Variants in RBFOX1 observed in about 807,000 individuals in gnomAD.
RBFOX1 encodes RNA binding fox-1 homolog 1.
Under a neutral mutation model 57.7 loss-of-function variants are expected in RBFOX1, and 8 were observed. The ratio of observed to expected loss-of-function variants is 0.14; its 90% confidence interval spans 0.08 to 0.25. The LOEUF is 0.25. Among genes scored for constraint, RBFOX1 ranks in the 10% least tolerant of loss-of-function variants. The probability of loss-of-function intolerance (pLI) is 1.00; values close to 1 mark genes in which losing one functional copy is unlikely to be tolerated. For synonymous variants in RBFOX1, 326 were observed against 222.4 expected (o/e 1.47, Z -4.15); for missense variants, 611 against 548.5 (o/e 1.11, Z -1.14).
intron 1 of RBFOX1, among the ~76,000 whole-genome samples, chr16:5,274,964 T>C (rs1404012291): frequency 6.6e-6 from 1 of 152,214 alleles, no homozygotes; most frequent in African/African-American, 2.4e-5. Flanking sequence ...CCTCATGTAC[T>C]AAGACCGGAG....
chr16:7,539,683 C>T (rs1381825338), intron 5 of RBFOX1, among the ~76,000 whole-genome samples: 1 of 152,076 alleles, frequency 6.6e-6, no homozygotes, highest in Non-Finnish European at 1.5e-5. Context: ...TGTTTCTGGC[C>T]ACAAAGGACC....
At chr16:6,553,142 C>A (rs2097023729) in intron 2 of RBFOX1, among the ~76,000 whole-genome samples, 2 of 152,130 alleles carry the variant, frequency 1.3e-5, no homozygotes, top group Non-Finnish European at 2.9e-5. Flanking sequence ...TCATGGAAGT[C>A]AGTTCTGTTA....
chr16:5,729,879 G>T (rs528873653), intron 3 of RBFOX1, among the ~76,000 whole-genome samples: 1 of 152,170 alleles, frequency 6.6e-6, no homozygotes, highest in Non-Finnish European at 1.5e-5. Flanking sequence ...GCAAATCCTA[G>T]CCCCGAGAGC....
intron 2 of RBFOX1, among the ~76,000 whole-genome samples, chr16:6,551,216 A>C (rs1308772195): frequency 6.6e-6 from 1 of 152,296 alleles, no homozygotes; most frequent in South Asian, 2.1e-4. Context: ...AATTCAGCAA[A>C]TGTTGTGTAG....
intron 3 of RBFOX1, among the ~76,000 whole-genome samples, chr16:5,717,589 C>T (rs921540470): frequency 5.3e-5 from 8 of 152,032 alleles, no homozygotes; most frequent in Admixed American, 1.3e-4. Flanking sequence ...CTTATAAGTG[C>T]GAATATACGA....
At chr16:7,185,932 G>C (rs1033500705) in intron 4 of RBFOX1, among the ~76,000 whole-genome samples, 1 of 152,070 alleles carries the variant, frequency 6.6e-6, no homozygotes, top group Non-Finnish European at 1.5e-5. Context: ...CTCACTTCCT[G>C]ACCCTTTCTC....
chr16:7,095,882 G>A (rs536843473), intron 4 of RBFOX1, among the ~76,000 whole-genome samples: 16 of 151,818 alleles, frequency 1.1e-4, no homozygotes, highest in African/African-American at 2.4e-4. Context: ...GCGTGGTGGC[G>A]GGTGTCTGTA....
At chr16:7,318,775 G>A (rs780102593) in intron 4 of RBFOX1, among the ~76,000 whole-genome samples, 21 of 152,106 alleles carry the variant, frequency 1.4e-4, no homozygotes, top group East Asian at 3.9e-4. Context: ...TCTCTCAACC[G>A]CCAGACCCAC....
At chr16:7,292,302 G>A (rs1024476523) in intron 4 of RBFOX1, among the ~76,000 whole-genome samples, 1 of 118,942 alleles carries the variant, frequency 8.4e-6, no homozygotes, top group Non-Finnish European at 1.6e-5. Flanking sequence ...TATGATATAT[G>A]ATATATGACG....
At chr16:6,255,531 C>G (rs2152601018) in intron 1 of RBFOX1, among the ~76,000 whole-genome samples, 1 of 152,216 alleles carries the variant, frequency 6.6e-6, no homozygotes, top group South Asian at 2.1e-4. Context: ...GACCCCTCCT[C>G]ATACAAATGG....
chr16:7,640,795 C>A (rs918158318), intron 11 of RBFOX1, among the ~76,000 whole-genome samples: 1 of 151,876 alleles, frequency 6.6e-6, no homozygotes, highest in African/African-American at 2.4e-5. Context: ...CCGGCCTCAT[C>A]AGAGTCAAGA....
intron 4 of RBFOX1, among the ~76,000 whole-genome samples, chr16:5,900,781 C>G (rs879716593): frequency 5.9e-5 from 9 of 152,162 alleles, no homozygotes; most frequent in Non-Finnish European, 8.8e-5. Flanking sequence ...AATTAGCCTC[C>G]TTCCTCTCCC....
At chr16:6,494,341 C>A (rs1473239458) in intron 2 of RBFOX1, among the ~76,000 whole-genome samples, 1 of 152,136 alleles carries the variant, frequency 6.6e-6, no homozygotes, top group Non-Finnish European at 1.5e-5. Context: ...TCCTGAGGTT[C>A]CATTTGTATA....
intron 3 of RBFOX1, among the ~76,000 whole-genome samples, chr16:6,972,479 A>G (rs1188348326): frequency 6.6e-6 from 1 of 152,176 alleles, no homozygotes; most frequent in African/African-American, 2.4e-5. Context: ...GTATTTATCC[A>G]TTCATCTGTC....
At chr16:7,252,137 G>C (rs1000418939) in intron 4 of RBFOX1, among the ~76,000 whole-genome samples, 1 of 152,186 alleles carries the variant, frequency 6.6e-6, no homozygotes, top group Non-Finnish European at 1.5e-5. Flanking sequence ...AGAATTGCAG[G>C]TAGAGCCTAG....
At chr16:6,754,507 A>C (rs1221071924) in intron 3 of RBFOX1, among the ~76,000 whole-genome samples, 1 of 152,044 alleles carries the variant, frequency 6.6e-6, no homozygotes, top group Non-Finnish European at 1.5e-5. Flanking sequence ...AAATTGAAGC[A>C]CTCTTCGGGT....
chr16:7,092,997 T>C (rs1367596618), intron 4 of RBFOX1, among the ~76,000 whole-genome samples: 3 of 152,226 alleles, frequency 2.0e-5, no homozygotes, highest in East Asian at 1.9e-4. Flanking sequence ...CCTCTGGCAG[T>C]CAAAGGAAAC....
At chr16:6,649,934 C>T (rs1001666908) in intron 2 of RBFOX1, among the ~76,000 whole-genome samples, 1 of 152,040 alleles carries the variant, frequency 6.6e-6, no homozygotes, top group African/African-American at 2.4e-5. Context: ...TGGGCTGGTT[C>T]CATATTTTTG....
At chr16:7,176,733 C>A (rs1304973900) in intron 4 of RBFOX1, among the ~76,000 whole-genome samples, 1 of 152,064 alleles carries the variant, frequency 6.6e-6, no homozygotes, top group Non-Finnish European at 1.5e-5. Flanking sequence ...AGGTGATATT[C>A]CTACTTTTAT....
Sources: allele counts gnomAD v4.1 joint callset (sites outside exome capture counted in the v4.1 genomes callset), GRCh38; gene constraint gnomAD v4.1.1; transcripts MANE v1.5; gene names NCBI Gene and HGNC (gene_info 2026-07-23, HGNC 2026-07-21).